Variants in REV1 observed in about 807,000 individuals in gnomAD.
The protein encoded by REV1 is translesion synthesis protein REV1.
In REV1, 42 loss-of-function variants were observed where a neutral mutation model predicts 137.4. The observed-to-expected ratio is 0.31, with a 90% CI of 0.24 to 0.40. REV1 has a LOEUF of 0.40. Among genes scored for constraint, REV1 ranks in the 10% least tolerant of loss-of-function variants. The pLI is 1.00. For missense variants in REV1, 1,282 were observed against 1,490.1 expected, an observed-to-expected ratio of 0.86 and a Z score of 2.30; for synonymous variants, 524 against 519.2, an observed-to-expected ratio of 1.01 and a Z score of -0.12.
At chr2:99,477,347 A>C (rs1161406789) in intron 1 of REV1, among the ~76,000 whole-genome samples, 1 of 152,176 alleles carries the variant, frequency 6.6e-6, no homozygotes, top group Non-Finnish European at 1.5e-5. Context: ...TGCAGTTGTG[A>C]GGTAACCCAG....
chr2:99,416,912 CAAAAAAAAAAAAAA>C (rs755184253), intron 12 of REV1, among the ~76,000 whole-genome samples: 1 of 77,854 alleles, frequency 1.3e-5, no homozygotes, highest in African/African-American at 6.0e-5. Flanking sequence ...GACTCCATCT[CAAAAAAAAAAAAAA>C]AAAAAAAGAA....
At chr2:99,467,368 C>G (rs1415615130) in intron 1 of REV1, among the ~76,000 whole-genome samples, 1 of 152,146 alleles carries the variant, frequency 6.6e-6, no homozygotes. Flanking sequence ...GAATGAAGGA[C>G]TGAAAATTTT....
intron 1 of REV1, among the ~76,000 whole-genome samples, chr2:99,470,396 C>G (rs1476325376): frequency 6.6e-6 from 1 of 152,178 alleles, no homozygotes; most frequent in Non-Finnish European, 1.5e-5. Flanking sequence ...TCTTCAGACT[C>G]TCCTCCCCGT....
chr2:99,481,597 C>T (rs916682322), intron 1 of REV1, among the ~76,000 whole-genome samples: 1 of 152,174 alleles, frequency 6.6e-6, no homozygotes, highest in African/African-American at 2.4e-5. Flanking sequence ...GGCACAGTGG[C>T]ACATGCCTGT....
chr2:99,409,044 G>A (rs1332734832), intron 14 of REV1, among the ~76,000 whole-genome samples: 2 of 152,038 alleles, frequency 1.3e-5, no homozygotes, highest in Admixed American at 6.6e-5. Flanking sequence ...ATCCCAAAAC[G>A]CTGGGAGGTC....
At chr2:99,431,783 G>T in intron 8 of REV1, 2 of 985,442 alleles carry the variant, frequency 2.0e-6, no homozygotes, top group Non-Finnish European at 2.4e-6. Context: ...CTCCACGAGC[G>T]GAGTGAGTTG....
chr2:99,462,466 C>A, intron 3 of REV1, 30 bp downstream of exon 3: 4 of 1,564,302 alleles, frequency 2.6e-6, no homozygotes, highest in Non-Finnish European at 3.5e-6. Context: ...AAATACATGC[C>A]AAAATAGGGT....
intron 1 of REV1, among the ~76,000 whole-genome samples, chr2:99,486,042 T>C (rs1327787628): frequency 6.6e-6 from 1 of 152,160 alleles, no homozygotes; most frequent in Non-Finnish European, 1.5e-5. Flanking sequence ...GGAGGCTGGC[T>C]TGAGCCCAGG....
chr2:99,410,658 A>C, intron 14 of REV1, 37 bp downstream of exon 14: 1 of 1,527,690 alleles, frequency 6.5e-7, no homozygotes, highest in Non-Finnish European at 8.8e-7. Flanking sequence ...CCTGTACTGA[A>C]ATATAATTAC....
chr2:99,448,975 T>C (rs898753062), intron 4 of REV1, among the ~76,000 whole-genome samples: 1 of 152,220 alleles, frequency 6.6e-6, no homozygotes, highest in Non-Finnish European at 1.5e-5. Flanking sequence ...GGAGGCAATA[T>C]ATTAGTTACA....
intron 7 of REV1, 26 bp from the exon 8 acceptor site, chr2:99,434,474 C>A: frequency 6.6e-7 from 1 of 1,520,222 alleles, no homozygotes; most frequent in Non-Finnish European, 9.0e-7. Context: ...TAAATTATTT[C>A]TGTATGTGGT....
intron 3 of REV1, among the ~76,000 whole-genome samples, chr2:99,451,029 G>A (rs1032905867): frequency 1.3e-5 from 2 of 152,124 alleles, no homozygotes; most frequent in African/African-American, 4.8e-5. Context: ...GATTTAATGT[G>A]AAACAGTAGA....
At chr2:99,480,134 T>C (rs1032999361) in intron 1 of REV1, among the ~76,000 whole-genome samples, 2 of 152,056 alleles carry the variant, frequency 1.3e-5, no homozygotes, top group South Asian at 2.1e-4. Context: ...GCCTGGGCAA[T>C]GAAGTGAGAC....
chr2:99,440,740 AC>A (rs1476550031), intron 5 of REV1, among the ~76,000 whole-genome samples: 4 of 152,224 alleles, frequency 2.6e-5, no homozygotes, highest in African/African-American at 7.2e-5. Flanking sequence ...TACTGAATAT[AC>A]CCCCCAAAAA....
intron 13 of REV1, among the ~76,000 whole-genome samples, chr2:99,412,282 A>AC (rs1559298305): frequency 7.1e-6 from 1 of 140,250 alleles, no homozygotes. Flanking sequence ...AAAAAAAAAA[A>AC]CATATCCAAA....
At position 99,401,565 on chromosome 2, in the gene REV1, G is replaced by C. The variant is rs568863661; in HGVS notation, c.3645-213C>G. On this transcript the variant is annotated intron_variant, in intron 22 of 22. Transcript: ENST00000258428. ...AGTTTGAGACCAGCCTGGCCAACAT[G>C]GTAAAACCCCGTCTCTACAAAAAAT... is the stretch of plus-strand genomic sequence containing the variant. 1.0e-3 allele frequency among the ~76,000 whole-genome samples: 154 copies of C among 151,916 alleles called. 1 individual carries two copies. In the Middle Eastern group the frequency reaches 0.01, roughly 10 times the overall value.
At position 99,418,943 on chromosome 2, in the gene REV1, A is replaced by G; in HGVS notation, c.1836T>C (p.Ser612=). ...TKCAASVGIG[S]NILLARMATR... The stretch of plus-strand genomic sequence containing the variant: ...TTGCCATTCTAGCCAGGAGAATATT[A>G]GAACCTATTAAAAAAAAAAGTCATC... The change falls in exon 12 of 23, where the codon TCT becomes TCC. Residue 612 remains serine, a synonymous_variant. Coordinates refer to ENST00000258428, the MANE Select transcript of REV1 (RefSeq NM_016316.4). 6.3e-7 allele frequency: 1 copy of G among 1,593,154 alleles called. No homozygotes were observed.
At chr2:99,401,752 AAAT>A (rs1675460684) in intron 22 of REV1, among the ~76,000 whole-genome samples, 1 of 152,148 alleles carries the variant, frequency 6.6e-6, no homozygotes, top group African/African-American at 2.4e-5. Flanking sequence ...ATCTCAAAAA[AAAT>A]AAAATCCTAG....
At chr2:99,419,483 T>G (rs751109340) in intron 11 of REV1, among the ~76,000 whole-genome samples, 17 of 152,118 alleles carry the variant, frequency 1.1e-4, no homozygotes, top group Admixed American at 3.3e-4. Flanking sequence ...GTGCTGGGAC[T>G]ACAGGAATGA....
Sources: allele counts gnomAD v4.1 joint callset (sites outside exome capture counted in the v4.1 genomes callset), GRCh38; gene constraint gnomAD v4.1.1; transcripts MANE v1.5; gene names NCBI Gene and HGNC (gene_info 2026-07-23, HGNC 2026-07-21).